Variants in C2CD3 observed in about 807,000 individuals in gnomAD.
C2CD3 encodes the protein C2 domain containing 3 centriole elongation regulator.
A neutral mutation model predicts 234.0 loss-of-function variants in C2CD3; 148 were observed. That is an observed-to-expected ratio of 0.63 (90% CI 0.55 to 0.72). The LOEUF (loss-of-function observed/expected upper bound fraction) is 0.72. Ranked by LOEUF, C2CD3 falls within the 30% of genes least tolerant of loss-of-function variation. The pLI, the probability that C2CD3 is intolerant of heterozygous loss-of-function variation, is 0.00. For synonymous variants in C2CD3, 1,000 were observed against 1,035.4 expected, an observed-to-expected ratio of 0.97 and a Z score of 0.66; for missense variants, 2,577 against 2,811.5, an observed-to-expected ratio of 0.92 and a Z score of 1.89.
At chr11:74,049,304 G>A (rs375909588) in intron 27 of C2CD3, 33 bp downstream of exon 27, 38 of 1,560,606 alleles carry the variant, frequency 2.4e-5, no homozygotes, top group Middle Eastern at 1.7e-4. Flanking sequence ...AGTACAATTC[G>A]TATTGGTTAG....
intron 28 of C2CD3, among the ~76,000 whole-genome samples, chr11:74,044,137 C>T (rs537344039): frequency 6.6e-6 from 1 of 152,174 alleles, no homozygotes; most frequent in East Asian, 2.0e-4. Context: ...CCACTGCACC[C>T]AGTCCCCTTT....
chr11:74,132,025 A>G (rs1957695636), intron 7 of C2CD3, among the ~76,000 whole-genome samples: 1 of 152,142 alleles, frequency 6.6e-6, no homozygotes, highest in Non-Finnish European at 1.5e-5. Context: ...TGTTATTCAC[A>G]ATGTTAACAT....
chr11:74,060,145 G>C (rs577596626), intron 24 of C2CD3, among the ~76,000 whole-genome samples: 10 of 152,240 alleles, frequency 6.6e-5, no homozygotes, highest in African/African-American at 2.4e-4. Context: ...GGAGCCCATC[G>C]CAGCTCAAGG....
intron 30 of C2CD3, chr11:74,036,343 C>A: frequency 2.3e-6 from 1 of 426,858 alleles, no homozygotes; most frequent in Non-Finnish European, 4.7e-6. Context: ...TCATATCCAC[C>A]ACTGTATCTT....
At position 74,021,138 on chromosome 11, in the gene C2CD3, C is replaced by T. The variant is rs544354421; in HGVS notation, c.6921+7149G>A. ...CTGAACAACTCAACTAGAGTCCCAG[C>T]TACTCAGGAGGCTGAGGCAGGAGAT... On this transcript the variant is annotated intron_variant, in intron 32 of 32. Transcript: ENST00000334126. Among the ~76,000 whole-genome samples, 74 of 152,264 alleles carry T rather than the reference C, an allele frequency of 4.9e-4. No individual in the cohort carries two copies. The South Asian group carries it at 0.015, about 30-fold the overall frequency.
chr11:74,064,698 A>T (rs1189252940), intron 24 of C2CD3, among the ~76,000 whole-genome samples: 2 of 152,252 alleles, frequency 1.3e-5, no homozygotes, highest in Non-Finnish European at 2.9e-5. Context: ...TAACCAAAAC[A>T]GCATGGTACT....
chr11:74,033,627 G>A lies in C2CD3; in HGVS notation c.6533C>T (p.Pro2178Leu). Residue 2178 changes from proline to leucine, a missense_variant, in exon 31 of 33, where the codon CCA becomes CTA. Coordinates refer to ENST00000334126, the MANE Select transcript of C2CD3 (RefSeq NM_001286577.2). ...GCTCTGTTGAGCTCCTGAGAGTGTT[G>A]GGCATGGGATGGGCTGAGGGTTGGC... Reference protein sequence around the residue: ...ASANPQPIPCPTLSGAQQSST... With the variant: ...ASANPQPIPCLTLSGAQQSST... 1 of 1,536,148 alleles carries A rather than the reference G, an allele frequency of 6.5e-7. No individual in the cohort carries two copies. Among genetic ancestry groups the A allele is most frequent in the Admixed American group, 2.0e-5 (1 of 50,994 alleles).
chr11:74,153,598 T>G (rs1855823378), intron 3 of C2CD3, among the ~76,000 whole-genome samples: 1 of 152,162 alleles, frequency 6.6e-6, no homozygotes, highest in South Asian at 2.1e-4. Flanking sequence ...GACTCAATAT[T>G]GCTAAGAACT....
chr11:74,103,414 G>T lies in C2CD3; in HGVS notation c.2297C>A (p.Pro766His), dbSNP rs375281281. The T allele has an allele frequency of 6.2e-6, 10 of 1,614,138 alleles. No individual in the cohort carries two copies. Among genetic ancestry groups the T allele is most frequent in the Non-Finnish European group, 8.5e-6 (10 of 1,180,036 alleles). ...TACAGGGCTTGGTGACTTTCGGTTG[G>T]GGAGCACCAAGTTCTGTGCTTTCTT... ...TAKKAQNLVL[P>H]NRKSPSPVAP... is the part of the protein sequence containing the mutation. Residue 766 changes from proline (P) to histidine (H), a missense_variant, in exon 14 of 33, where the codon CCC (proline) becomes CAC (histidine). Coordinates refer to ENST00000334126, the MANE Select transcript of C2CD3 (RefSeq NM_001286577.2).
chr11:74,087,965 G>C (rs1955714636), intron 20 of C2CD3, among the ~76,000 whole-genome samples: 1 of 152,150 alleles, frequency 6.6e-6, no homozygotes, highest in Non-Finnish European at 1.5e-5. Flanking sequence ...GTATTTTCAG[G>C]AAGACCACTG....
chr11:74,143,062 T>C (rs1405787700), intron 3 of C2CD3, among the ~76,000 whole-genome samples: 2 of 152,196 alleles, frequency 1.3e-5, no homozygotes, highest in South Asian at 2.1e-4. Flanking sequence ...GTGCTATCTC[T>C]AGACCATCAT....
At chr11:74,081,733 A>T (rs148718189) in intron 22 of C2CD3, among the ~76,000 whole-genome samples, 31 of 152,300 alleles carry the variant, frequency 2.0e-4, no homozygotes, top group African/African-American at 7.5e-4. Context: ...TTAGGAGAAG[A>T]CTTAAAATGT....
At chr11:74,159,502 A>G (rs1285532994) in intron 3 of C2CD3, among the ~76,000 whole-genome samples, 3 of 152,090 alleles carry the variant, frequency 2.0e-5, no homozygotes, top group Admixed American at 1.3e-4. Context: ...GCTTAGGCTA[A>G]TGTGTGTGTT....
chr11:74,157,195 T>C (rs1385583564), intron 3 of C2CD3, among the ~76,000 whole-genome samples: 2 of 152,242 alleles, frequency 1.3e-5, no homozygotes, highest in African/African-American at 2.4e-5. Flanking sequence ...AACTTTAATA[T>C]TGTTGAATAA....
chr11:74,168,777 A>T (rs915209253), intron 1 of C2CD3, among the ~76,000 whole-genome samples, 164 bp from the exon 2 acceptor site: 2 of 152,232 alleles, frequency 1.3e-5, no homozygotes, highest in Non-Finnish European at 1.5e-5. Context: ...AATACATGAG[A>T]AGTAACTATC....
intron 13 of C2CD3, among the ~76,000 whole-genome samples, chr11:74,106,003 A>T (rs1956502718): frequency 1.3e-5 from 2 of 151,934 alleles, no homozygotes. Context: ...TCTCTTGCTC[A>T]CTATCCTCTG....
chr11:74,063,799 A>G (rs1954369761), intron 24 of C2CD3, among the ~76,000 whole-genome samples: 2 of 152,206 alleles, frequency 1.3e-5, no homozygotes, highest in Non-Finnish European at 1.5e-5. Context: ...AGAAAGAAAT[A>G]TTCAATTATG....
At chr11:74,085,310 A>T (rs1364809881) in intron 21 of C2CD3, among the ~76,000 whole-genome samples, 1 of 152,034 alleles carries the variant, frequency 6.6e-6, no homozygotes, top group African/African-American at 2.4e-5. Context: ...CCCATTTTTT[A>T]AATTAAATGT....
At chr11:74,160,190 T>C (rs1463189280) in intron 3 of C2CD3, among the ~76,000 whole-genome samples, 5 of 152,094 alleles carry the variant, frequency 3.3e-5, no homozygotes, top group Admixed American at 2.0e-4. Context: ...AAGGATGAAA[T>C]TGCCTGAGGA....
Sources: allele counts gnomAD v4.1 joint callset (sites outside exome capture counted in the v4.1 genomes callset), GRCh38; gene constraint gnomAD v4.1.1; transcripts MANE v1.5; gene names NCBI Gene and HGNC (gene_info 2026-07-23, HGNC 2026-07-21).